CELF2: variants seen among roughly 807,000 people sequenced by gnomAD.
The protein encoded by CELF2 is CUGBP Elav-like family member 2, also known as CUG triplet repeat RNA-binding protein 2.
A neutral mutation model predicts 62.6 loss-of-function variants in CELF2; 8 were observed. The ratio of observed to expected loss-of-function variants is 0.13; its 90% CI spans 0.07 to 0.23. The LOEUF (loss-of-function observed/expected upper bound fraction) is 0.23. Ranked by LOEUF, CELF2 falls within the 10% of genes least tolerant of loss-of-function variation. The probability of loss-of-function intolerance (pLI) is 1.00; values close to 1 mark genes in which losing one functional copy is unlikely to be tolerated. For missense variants in CELF2, 333 were observed against 671.0 expected (o/e 0.50, Z 5.56); for synonymous variants, 258 against 250.0 (o/e 1.03, Z -0.30).
chr10:10,536,037 T>TC, the CELF2 span, among the ~76,000 whole-genome samples: 2 of 151,100 alleles, frequency 1.3e-5, no homozygotes, highest in Admixed American at 6.6e-5. Context: ...TTTTTTTTTT[T>TC]TGAGACAGAG....
the CELF2 span, among the ~76,000 whole-genome samples, chr10:10,691,726 G>A: frequency 6.8e-6 from 1 of 146,302 alleles, no homozygotes; most frequent in East Asian, 2.1e-4. Context: ...GTATCTCATT[G>A]TGGTTTTGAT....
intron 1 of CELF2, among the ~76,000 whole-genome samples, chr10:11,111,207 C>A (rs1384166519): frequency 6.6e-6 from 1 of 152,210 alleles, no homozygotes; most frequent in Non-Finnish European, 1.5e-5. Flanking sequence ...TCTACATCTT[C>A]TTCCCACTGC....
At chr10:11,204,142 A>G (rs2059893119) in intron 2 of CELF2, among the ~76,000 whole-genome samples, 2 of 152,234 alleles carry the variant, frequency 1.3e-5, no homozygotes, top group Non-Finnish European at 1.5e-5. Flanking sequence ...CACCCTGGAT[A>G]TCAAGAAACC....
chr10:10,749,324 C>T, the CELF2 span, among the ~76,000 whole-genome samples: 1 of 152,250 alleles, frequency 6.6e-6, no homozygotes, highest in South Asian at 2.1e-4. Context: ...CTTCTACTCC[C>T]TCTATAATAA....
Position 11,285,384 on chromosome 10 carries a change from C to T in CELF2, c.842-3034C>T, listed in dbSNP as rs1359018262. Among the ~76,000 whole-genome samples, 1 of 152,110 alleles carries T rather than the reference C, an allele frequency of 6.6e-6. No homozygotes were observed. The highest frequency in any genetic ancestry group is 1.5e-5 in the Non-Finnish European group (1 of 68,002). ...GTGGTGCCTCAGAGACTCAGCCACT[C>T]CCCCTGGACTTTCCAGGCGGCAGCA... On this transcript the variant is annotated intron_variant, in intron 8 of 12. Coordinates refer to ENST00000633077, the MANE Select transcript of CELF2 (RefSeq NM_001326342.2). The surrounding 1 kb of genome is among the most constrained non-coding windows in gnomAD (Gnocchi z 4.3).
chr10:11,140,591 T>A (rs2061180015), intron 1 of CELF2, among the ~76,000 whole-genome samples: 1 of 152,224 alleles, frequency 6.6e-6, no homozygotes, highest in Non-Finnish European at 1.5e-5. Context: ...TGAATAAGTT[T>A]TGGTATATTG....
chr10:10,735,603 A>G, the CELF2 span, among the ~76,000 whole-genome samples: 1 of 152,244 alleles, frequency 6.6e-6, no homozygotes, highest in African/African-American at 2.4e-5. Flanking sequence ...ATCTATTTCA[A>G]TTTATACTGC....
rs376114196 is a variant in CELF2, at chr10:11,046,675, C to T, written c.74+28512C>T. Among the ~76,000 whole-genome samples, 20 of 152,210 alleles carry T rather than the reference C, an allele frequency of 1.3e-4. No homozygotes were observed. The highest frequency in any genetic ancestry group is 3.9e-4 in the African/African-American group (16 of 41,522). On this transcript the variant is annotated intron_variant, in intron 1 of 12. Transcript: ENST00000633077. This position sits in a 1 kb window ranked among gnomAD's most constrained non-coding sequence, Gnocchi z 4.6. ...TTTCAGACGGACGCTAATAACAGCCCGCAGAACCCTCAGGACCCATACAGG... is the reference window on the plus strand; with the variant it reads ...TTTCAGACGGACGCTAATAACAGCCTGCAGAACCCTCAGGACCCATACAGG...
chr10:10,834,383 G>A (rs944484250), intron 1 of CELF2, among the ~76,000 whole-genome samples: 1 of 152,056 alleles, frequency 6.6e-6, no homozygotes, highest in Non-Finnish European at 1.5e-5. Flanking sequence ...CCTGGATGAT[G>A]AAATAATCTG....
chr10:10,462,857 A>C, the CELF2 span, among the ~76,000 whole-genome samples: 1 of 151,974 alleles, frequency 6.6e-6, no homozygotes, highest in East Asian at 1.9e-4. Flanking sequence ...CAGGGCTAAG[A>C]TTGTCGCACT....
chr10:11,216,370 T>A lies in CELF2; in HGVS notation c.272-1055T>A, dbSNP rs113618991. Among the ~76,000 whole-genome samples the A allele has an allele frequency of 4.5e-3, 691 of 152,326 alleles. 7 individuals are homozygous for A. Among genetic ancestry groups the A allele is most frequent in the African/African-American group, 0.015 (644 of 41,564 alleles). On this transcript the variant is annotated intron_variant, in intron 2 of 12. Transcript: ENST00000633077. ...CTGGCCCCTGTCTGGCTCCGTGCGTTATGTTCCTTTAATAAAGCCAAAATA... is the reference window on the plus strand; with the variant it reads ...CTGGCCCCTGTCTGGCTCCGTGCGTAATGTTCCTTTAATAAAGCCAAAATA...
chr10:10,689,925 G>A, the CELF2 span, among the ~76,000 whole-genome samples: 1 of 152,158 alleles, frequency 6.6e-6, no homozygotes, highest in Admixed American at 6.5e-5. Flanking sequence ...ACAAGTATAT[G>A]TGGAGGACAT....
At chr10:11,304,889 G>T (rs796327822) in intron 9 of CELF2, among the ~76,000 whole-genome samples, 16 of 152,266 alleles carry the variant, frequency 1.1e-4, no homozygotes, top group African/African-American at 3.9e-4. Context: ...TTGGCTGGGG[G>T]GTGAACAGAG....
At chr10:10,806,162 T>G (rs1337556060) in intron 1 of CELF2, among the ~76,000 whole-genome samples, 1 of 151,728 alleles carries the variant, frequency 6.6e-6, no homozygotes, top group African/African-American at 2.4e-5. Flanking sequence ...CGAAGGGTAT[T>G]TCCTGGAGCA....
At chr10:10,639,783 T>C in the CELF2 span, among the ~76,000 whole-genome samples, 1 of 152,188 alleles carries the variant, frequency 6.6e-6, no homozygotes, top group African/African-American at 2.4e-5. Context: ...TTATATTTCA[T>C]TGTGAGGCCC....
At chr10:10,626,123 A>G in the CELF2 span, among the ~76,000 whole-genome samples, 1 of 152,076 alleles carries the variant, frequency 6.6e-6, no homozygotes, top group Non-Finnish European at 1.5e-5. Flanking sequence ...GCTTTTTTTC[A>G]CCTTGAACTT....
intron 2 of CELF2, among the ~76,000 whole-genome samples, chr10:10,955,919 A>G (rs796578746): frequency 1.8e-4 from 27 of 152,316 alleles, no homozygotes; most frequent in African/African-American, 6.0e-4. Flanking sequence ...CCCATGCCCG[A>G]CCACAATAGT....
chr10:10,906,794 C>A (rs1238880406), intron 1 of CELF2, among the ~76,000 whole-genome samples: 1 of 142,954 alleles, frequency 7.0e-6, no homozygotes, highest in African/African-American at 2.6e-5. Context: ...TCTCGGCTCA[C>A]TGCAACCTCC....
chr10:10,522,371 C>T, the CELF2 span, among the ~76,000 whole-genome samples: 2 of 152,122 alleles, frequency 1.3e-5, no homozygotes, highest in East Asian at 1.9e-4. Context: ...TTCGGCATGC[C>T]GATTGGAATT....
Sources: gnomAD v4.1 joint callset for allele counts (sites outside exome capture counted in the v4.1 genomes callset) on GRCh38, gnomAD v4.1.1 for gene constraint, Gnocchi (gnomAD v3.1) non-coding constraint, MANE v1.5 for transcripts, NCBI Gene and HGNC (gene_info 2026-07-23, HGNC 2026-07-21) for gene names.